ADGRB3: variants seen among roughly 807,000 people sequenced by gnomAD.
ADGRB3 encodes the protein brain-specific angiogenesis inhibitor 3.
ADGRB3 carries 37 observed loss-of-function variants against 193.4 expected under a neutral mutation model. The ratio of observed to expected loss-of-function variants is 0.19; its 90% CI spans 0.15 to 0.25. ADGRB3 has a LOEUF of 0.25. ADGRB3 is among the 10% of genes least tolerant of loss of function. The pLI is 1.00. For missense variants in ADGRB3, 1,637 were observed against 1,852.9 expected (o/e 0.88, Z 2.14); for synonymous variants, 690 against 644.2 (o/e 1.07, Z -1.08).
intron 26 of ADGRB3, among the ~76,000 whole-genome samples, chr6:69,345,076 T>A (rs186599893): frequency 6.4e-4 from 98 of 152,108 alleles, no homozygotes; most frequent in Middle Eastern, 3.4e-3. Flanking sequence ...AAGCATTGAC[T>A]AAGTGATGTT....
rs1351779059 is a variant in ADGRB3, at chr6:69,361,151, A to G, written c.3878A>G (p.Asp1293Gly). Residue 1293 changes from aspartate to glycine, a missense_variant, in exon 29 of 32, where the codon GAC (aspartate) becomes GGC (glycine). Around this residue, in one of 7 missense-constraint regions of ADGRB3, gnomAD observed 368 missense variants for 367.4 expected, o/e 1.00. Transcript: ENST00000370598. ...LCTDDNLRGA[D>G]MDIVHPQERM... is the part of the protein sequence containing the mutation. ...ACGGATGATAATTTGAGAGGGGCTG[A>G]CATGGACATAGTCCATCCTCAAGAA... 4.3e-6 allele frequency: 7 copies of G among 1,612,914 alleles called. No individual in the cohort carries two copies. Among genetic ancestry groups the G allele is most frequent in the Non-Finnish European group, 5.9e-6 (7 of 1,179,316 alleles).
Position 69,331,903 on chromosome 6 carries a change from G to A in ADGRB3, c.3103-1020G>A. On this transcript the variant is annotated intron_variant, in intron 23 of 31. Coordinates refer to ENST00000370598, the MANE Select transcript of ADGRB3 (RefSeq NM_001704.3). ...GAATAAGTATTCTCTTGATTAAGTG[G>A]TATCTTGTCAGGAAACTATGAAGAG... The A allele has an allele frequency of 4.1e-6, 4 of 985,212 alleles. No homozygotes were observed. The South Asian group carries it at 1.9e-4, about 46-fold the overall frequency. 61.0% of individuals were successfully genotyped at this position (985,212 alleles called of 1,614,324 possible). A position where few individuals can be genotyped will look rare whatever the true frequency, so the allele number is the denominator to read the frequency against.
At chr6:69,358,736 G>T (rs569920958) in intron 28 of ADGRB3, among the ~76,000 whole-genome samples, 1 of 151,754 alleles carries the variant, frequency 6.6e-6, no homozygotes, top group South Asian at 2.1e-4. Flanking sequence ...TTCACTACTT[G>T]ATTAGTTTCT....
intron 30 of ADGRB3, among the ~76,000 whole-genome samples, chr6:69,374,782 A>AT (rs932651690): frequency 1.3e-5 from 2 of 152,154 alleles, no homozygotes; most frequent in African/African-American, 4.8e-5. Context: ...GCATTCAGTA[A>AT]TTTTTTTAAA....
At chr6:68,675,936 T>G (rs1769076123) in intron 3 of ADGRB3, among the ~76,000 whole-genome samples, 1 of 152,224 alleles carries the variant, frequency 6.6e-6, no homozygotes, top group Admixed American at 6.5e-5. Flanking sequence ...TCTAATCTTT[T>G]TATTCTTGTA....
At chr6:69,075,850 C>A in intron 16 of ADGRB3, 145 bp from the exon 17 acceptor site, 2 of 645,322 alleles carry the variant, frequency 3.1e-6, no homozygotes, top group East Asian at 3.0e-5. Flanking sequence ...ATGCAAATTT[C>A]TTATAAATAA....
intron 20 of ADGRB3, among the ~76,000 whole-genome samples, chr6:69,279,956 G>A (rs1179240068): frequency 1.3e-5 from 2 of 152,098 alleles, no homozygotes; most frequent in African/African-American, 4.8e-5. Flanking sequence ...GCCTCCTACT[G>A]CTTTCAGCTG....
chr6:69,388,727 C>T lies in ADGRB3; in HGVS notation c.4405C>T (p.Pro1469Ser). 2 of 1,613,140 alleles carry T rather than the reference C, an allele frequency of 1.2e-6. No individual in the cohort carries two copies. Among genetic ancestry groups the T allele is most frequent in the Non-Finnish European group, 8.5e-7 (1 of 1,179,490 alleles). The stretch of plus-strand genomic sequence containing the variant: ...GGAAAACCCCGCACCAAACAAGAAT[C>T]CATGGGACACTTTCAAAAACCCCAG... ...SMENPAPNKN[P>S]WDTFKNPSEY... is the part of the protein sequence containing the mutation. The change falls in exon 32 of 32, where the codon CCA becomes TCA. Residue 1469 changes from proline (P) to serine (S), a missense_variant. Around this residue, in one of 7 missense-constraint regions of ADGRB3, gnomAD observed 368 missense variants for 367.4 expected, o/e 1.00. Coordinates refer to ENST00000370598, the MANE Select transcript of ADGRB3 (RefSeq NM_001704.3).
intron 17 of ADGRB3, among the ~76,000 whole-genome samples, chr6:69,115,612 A>T (rs1185943381): frequency 6.6e-6 from 1 of 152,212 alleles, no homozygotes; most frequent in Non-Finnish European, 1.5e-5. Flanking sequence ...AAATTAAATA[A>T]AGAAAGAAAT....
intron 20 of ADGRB3, among the ~76,000 whole-genome samples, chr6:69,287,438 G>A (rs1582606143): frequency 6.6e-6 from 1 of 151,848 alleles, no homozygotes; most frequent in Non-Finnish European, 1.5e-5. Context: ...AGGAATGATT[G>A]CAATGAGAAA....
intron 17 of ADGRB3, among the ~76,000 whole-genome samples, chr6:69,098,663 C>T (rs901334846): frequency 6.6e-6 from 1 of 152,146 alleles, no homozygotes; most frequent in African/African-American, 2.4e-5. Context: ...ATGCCTCCTA[C>T]CAGGCCCTTC....
chr6:69,130,893 A>G (rs192856543), intron 17 of ADGRB3, among the ~76,000 whole-genome samples: 248 of 152,108 alleles, frequency 1.6e-3, no homozygotes, highest in African/African-American at 5.8e-3. Flanking sequence ...AAATCCTACC[A>G]GAGGCCTCTC....
chr6:68,881,518 A>T (rs1765729897), intron 3 of ADGRB3, among the ~76,000 whole-genome samples: 1 of 152,200 alleles, frequency 6.6e-6, no homozygotes, highest in Non-Finnish European at 1.5e-5. Flanking sequence ...TGACTAAGAC[A>T]CATTCTTTCT....
intron 3 of ADGRB3, among the ~76,000 whole-genome samples, chr6:68,806,163 T>G (rs1767397085): frequency 6.6e-6 from 1 of 152,208 alleles, no homozygotes; most frequent in African/African-American, 2.4e-5. Flanking sequence ...TTAAGATGGT[T>G]TGATAATATT....
At chr6:69,280,142 T>A (rs999691839) in intron 20 of ADGRB3, among the ~76,000 whole-genome samples, 20 of 152,184 alleles carry the variant, frequency 1.3e-4, no homozygotes, top group African/African-American at 4.1e-4. Flanking sequence ...TTTTCAAAGT[T>A]TGCTCTCTAT....
chr6:69,183,100 C>T (rs1764969953), intron 17 of ADGRB3, among the ~76,000 whole-genome samples: 1 of 152,052 alleles, frequency 6.6e-6, no homozygotes, highest in African/African-American at 2.4e-5. Flanking sequence ...CAGTTTAATT[C>T]CCTTTTATAT....
chr6:69,069,704 C>T (rs1397845359), intron 16 of ADGRB3, among the ~76,000 whole-genome samples: 3 of 135,208 alleles, frequency 2.2e-5, no homozygotes, highest in Middle Eastern at 4.3e-3. Context: ...GCACTCCAGG[C>T]TGGGTGACAG....
At chr6:68,778,188 T>C (rs1356242083) in intron 3 of ADGRB3, among the ~76,000 whole-genome samples, 1 of 152,070 alleles carries the variant, frequency 6.6e-6, no homozygotes, top group Non-Finnish European at 1.5e-5. Context: ...GCATGAGCAA[T>C]GTGTTAGAGA....
chr6:69,084,461 G>A (rs924239771), intron 17 of ADGRB3, among the ~76,000 whole-genome samples: 3 of 151,968 alleles, frequency 2.0e-5, no homozygotes, highest in African/African-American at 7.2e-5. Context: ...TTTGTTCATA[G>A]GTATTTCTAA....
Sources: allele counts gnomAD v4.1 joint callset (sites outside exome capture counted in the v4.1 genomes callset), GRCh38; gene constraint gnomAD v4.1.1; regional missense constraint gnomAD v4.1.1; transcripts MANE v1.5; gene names NCBI Gene and HGNC (gene_info 2026-07-23, HGNC 2026-07-21).